The following PLEKHM2 variants were observed in gnomAD, a reference collection of about 807,000 sequenced individuals.
PLEKHM2 encodes the protein pleckstrin homology domain-containing family M member 2.
PLEKHM2 carries 77 observed loss-of-function variants against 116.3 expected under a neutral mutation model. The ratio of observed to expected loss-of-function variants is 0.66; its 90% CI spans 0.55 to 0.80. The LOEUF (loss-of-function observed/expected upper bound fraction) is 0.80, where lower values mean the gene tolerates loss of function less well. PLEKHM2 is among the 30% of genes least tolerant of loss of function. The pLI is 0.00. For synonymous variants in PLEKHM2, 562 were observed against 571.0 expected, an observed-to-expected ratio of 0.98 and a Z score of 0.22; for missense variants, 1,183 against 1,354.9, an observed-to-expected ratio of 0.87 and a Z score of 1.99.
At chr1:15,682,627 ACAAAACAAAACAAAAC>A (rs1640669937), upstream of PLEKHM2, among the ~76,000 whole-genome samples, 3 of 99,822 alleles carry the variant, frequency 3.0e-5, no homozygotes, top group African/African-American at 4.7e-5. Context: ...TCAAAAACAA[ACAAAACAAAACAAAAC>A]AAAAAAAACA....
chr1:15,730,614 A>G lies in PLEKHM2; in HGVS notation c.2291A>G (p.His764Arg). 1 of 1,607,736 alleles carries G rather than the reference A, an allele frequency of 6.2e-7. No individual in the cohort carries two copies. The highest frequency in any genetic ancestry group is 1.1e-5 in the South Asian group (1 of 89,592). Reference protein sequence around the residue: ...TDESLGPTPCHCSPPEGTITK... With the variant: ...TDESLGPTPCRCSPPEGTITK... ...GAGTCCCTGGGCCCCACGCCCTGCC[A>G]CTGCTCACCCCCCGAGGGCACCATC... Residue 764 changes from histidine (H) to arginine (R), a missense_variant, in exon 15 of 20, where the codon CAC becomes CGC. Coordinates refer to ENST00000375799, the MANE Select transcript of PLEKHM2 (RefSeq NM_015164.4).
Position 15,732,442 on chromosome 1 carries a change from G to C in PLEKHM2, c.2718G>C (p.Gln906His). ...TCTTTACGTGCCATGAGGATTGCCA[G>C]ACCAGCTTCTTCCGCTCTTTGGGCA... ...DRLFTCHEDC[Q>H]TSFFRSLGTA... The change falls in exon 18 of 20, where the codon CAG becomes CAC. Residue 906 changes from glutamine (Q) to histidine (H), a missense_variant. This residue lies in a region of PLEKHM2 where 594 missense variants were observed against 720.1 expected (regional missense o/e 0.82). Transcript: ENST00000375799. 6.3e-7 allele frequency: 1 copy of C among 1,593,892 alleles called. No homozygotes were observed. Among genetic ancestry groups the C allele is most frequent in the Non-Finnish European group, 8.5e-7 (1 of 1,170,684 alleles).
chr1:15,733,878 T>C lies in PLEKHM2; in HGVS notation c.3004T>C (p.Trp1002Arg), dbSNP rs1327584233. Residue 1002 changes from tryptophan (W) to arginine (R), a missense_variant, in exon 20 of 20, where the codon TGG becomes CGG. Trp to Arg is a moderately radical substitution (Grantham distance 101). Around this residue, in one of 3 missense-constraint regions of PLEKHM2, gnomAD observed 594 missense variants for 720.1 expected, o/e 0.82. Transcript: ENST00000375799. Reference sequence around the variant, plus strand: ...TGCCTTGAGCCTCATCCACAGCGCCTGGCAGCGGAGCGACAGTCTCTGCCG... The same window carrying C: ...TGCCTTGAGCCTCATCCACAGCGCCCGGCAGCGGAGCGACAGTCTCTGCCG... ...EDALSLIHSA[W>R]QRSDSLCRGR... is the part of the protein sequence containing the mutation. 1 of 1,612,942 alleles carries C rather than the reference T, an allele frequency of 6.2e-7. No homozygotes were observed.
chr1:15,715,254 G>A (rs1466753521), intron 1 of PLEKHM2, among the ~76,000 whole-genome samples: 1 of 152,262 alleles, frequency 6.6e-6, no homozygotes, highest in Admixed American at 6.5e-5. Flanking sequence ...ACTGTGATAT[G>A]AAGGAGGATT....
rs986180418 is a variant in PLEKHM2 at position 15,733,948 on chromosome 1, G to A, written c.*14G>A. The A allele has an allele frequency of 3.1e-6, 5 of 1,607,394 alleles. No individual in the cohort carries two copies. The highest frequency in any genetic ancestry group is 4.2e-6 in the Non-Finnish European group (5 of 1,177,200). Reference sequence around the variant, plus strand: ...CCCTGGTGCTGAGGCAGAGCTGGTTGGCGTCCCTGGTGGGCAGGAAAGGAA... The same window carrying A: ...CCCTGGTGCTGAGGCAGAGCTGGTTAGCGTCCCTGGTGGGCAGGAAAGGAA... On this transcript the variant is annotated 3_prime_UTR_variant, in exon 20 of 20. Coordinates refer to ENST00000375799, the MANE Select transcript of PLEKHM2 (RefSeq NM_015164.4).
intron 1 of PLEKHM2, 72 bp downstream of exon 1, chr1:15,684,690 C>T: frequency 3.7e-6 from 2 of 542,218 alleles, no homozygotes; most frequent in Non-Finnish European, 4.6e-6. Flanking sequence ...CGGCGCTCTC[C>T]CGGGCCGGGG....
chr1:15,695,547 C>T (rs1571023809), intron 1 of PLEKHM2, among the ~76,000 whole-genome samples: 1 of 152,064 alleles, frequency 6.6e-6, no homozygotes, highest in Non-Finnish European at 1.5e-5. Flanking sequence ...GAGTTTCGCT[C>T]TTTCACCAGG....
chr1:15,723,317 T>G (rs2068018485), intron 7 of PLEKHM2: 1 of 152,060 alleles, frequency 6.6e-6, no homozygotes, highest in Admixed American at 6.6e-5. Context: ...CGCGGTTTTC[T>G]GTATCTTAGA....
At chr1:15,682,677 G>A (rs142891991), upstream of PLEKHM2, among the ~76,000 whole-genome samples, 1 of 151,542 alleles carries the variant, frequency 6.6e-6, no homozygotes, top group Non-Finnish European at 1.5e-5. Flanking sequence ...CACTATTTTG[G>A]GTCTCTCCTT....
chr1:15,731,878 C>T lies in PLEKHM2; in HGVS notation c.2466-11C>T. On this transcript the variant is annotated splice_polypyrimidine_tract_variant and intron_variant, in intron 16 of 19. Transcript: ENST00000375799. Reference sequence around the variant, plus strand: ...TCCTCGCTCCCGTTTCACCCTCCTCCTCTGGCCCAGGGGGGAGCAGTGCGG... The same window carrying T: ...TCCTCGCTCCCGTTTCACCCTCCTCTTCTGGCCCAGGGGGGAGCAGTGCGG... 3 of 1,608,334 alleles carry T rather than the reference C, an allele frequency of 1.9e-6. No homozygotes were observed. Among genetic ancestry groups the T allele is most frequent in the Non-Finnish European group, 1.7e-6 (2 of 1,177,654 alleles).
Position 15,684,417 on chromosome 1 carries a change from G to GCCGGGCC in PLEKHM2, c.-138_-132dup. The GCCGGGCC allele has an allele frequency of 3.5e-6, 1 of 281,962 alleles. No homozygotes were observed. Among genetic ancestry groups the GCCGGGCC allele is most frequent in the Non-Finnish European group, 5.3e-6 (1 of 189,888 alleles). The allele number at this position is 281,962 out of a possible 1,614,324, so 17.5% of individuals were successfully genotyped here. On this transcript the variant is annotated 5_prime_UTR_variant, in exon 1 of 20. Coordinates refer to ENST00000375799, the MANE Select transcript of PLEKHM2 (RefSeq NM_015164.4). Reference sequence around the variant, plus strand: ...GCGAGGCGAGGGCCGGGCGGCGGGCGCCGGGCCCCGCGGCCGGCACGACGG... The same window carrying GCCGGGCC: ...GCGAGGCGAGGGCCGGGCGGCGGGCGCCGGGCCCCGGGCCCCGCGGCCGGCACGACGG...
intron 1 of PLEKHM2, among the ~76,000 whole-genome samples, chr1:15,700,053 G>T (rs1487140521): frequency 1.3e-5 from 2 of 151,840 alleles, no homozygotes; most frequent in Non-Finnish European, 2.9e-5. Context: ...AGTTCCCTGG[G>T]GCTGGTGAAG....
chr1:15,729,186 G>A lies in PLEKHM2; in HGVS notation c.2071G>A (p.Ala691Thr). The change falls in exon 13 of 20, where the codon GCT (alanine) becomes ACT (threonine). Residue 691 changes from alanine (A) to threonine (T), a missense_variant. This residue lies in a region of PLEKHM2 where 594 missense variants were observed against 720.1 expected (regional missense o/e 0.82). Coordinates refer to ENST00000375799, the MANE Select transcript of PLEKHM2 (RefSeq NM_015164.4). The surrounding 1 kb of genome is among the most constrained non-coding windows in gnomAD (Gnocchi z 4.7). ...FLLDTADVAL[A>T]EFFLASLKSA... ...GCTGGACACGGCTGATGTGGCGCTGGCTGAGTGAGTGGCAACCCCGCCCCT... is the reference window on the plus strand; with the variant it reads ...GCTGGACACGGCTGATGTGGCGCTGACTGAGTGAGTGGCAACCCCGCCCCT... The A allele has an allele frequency of 6.2e-7, 1 of 1,608,884 alleles. No individual in the cohort carries two copies. Among genetic ancestry groups the A allele is most frequent in the East Asian group, 2.2e-5 (1 of 44,660 alleles).
chr1:15,729,803 T>C lies in PLEKHM2; in HGVS notation c.2082T>C (p.Phe694=). ...AACCTCACTCCCTATGCAGGTTCTT[T>C]TTGGCTTCTTTGAAGTCAGCCATGA... ...DTADVALAEF[F]LASLKSAMIK... The change falls in exon 14 of 20, where the codon TTT becomes TTC. Residue 694 remains phenylalanine (F), a synonymous_variant. Transcript: ENST00000375799. The surrounding 1 kb of genome is among the most constrained non-coding windows in gnomAD (Gnocchi z 4.7). 6.2e-7 allele frequency: 1 copy of C among 1,612,092 alleles called. No individual in the cohort carries two copies. Among genetic ancestry groups the C allele is most frequent in the Non-Finnish European group, 8.5e-7 (1 of 1,179,190 alleles).
chr1:15,693,971 C>A (rs938436251), intron 1 of PLEKHM2, among the ~76,000 whole-genome samples: 1 of 152,166 alleles, frequency 6.6e-6, no homozygotes, highest in African/African-American at 2.4e-5. Flanking sequence ...TGTGTTGCTG[C>A]TGGAGCTGGC....
At chr1:15,715,369 C>T (rs2148356196) in intron 1 of PLEKHM2, among the ~76,000 whole-genome samples, 1 of 152,046 alleles carries the variant, frequency 6.6e-6, no homozygotes, top group South Asian at 2.1e-4. Context: ...AGGCCGGGCA[C>T]AGTGGCTCAC....
At chr1:15,693,771 T>A (rs1640935016) in intron 1 of PLEKHM2, among the ~76,000 whole-genome samples, 1 of 152,156 alleles carries the variant, frequency 6.6e-6, no homozygotes, top group Admixed American at 6.5e-5. Flanking sequence ...CTGGAAACAT[T>A]GAGTAAGAGG....
intron 8 of PLEKHM2, 53 bp from the exon 9 acceptor site, chr1:15,726,961 C>A: frequency 7.9e-7 from 1 of 1,268,200 alleles, no homozygotes; most frequent in Non-Finnish European, 1.1e-6. Context: ...CCTGGTTTTC[C>A]TCAGCACTGG....
chr1:15,695,887 G>A (rs1397170377), intron 1 of PLEKHM2, among the ~76,000 whole-genome samples: 3 of 151,622 alleles, frequency 2.0e-5, no homozygotes, highest in Admixed American at 6.6e-5. Context: ...CTGCAGCCTC[G>A]ACCTCCCAGG....
Sources: allele counts gnomAD v4.1 joint callset (sites outside exome capture counted in the v4.1 genomes callset), GRCh38; gene constraint gnomAD v4.1.1; regional missense constraint gnomAD v4.1.1; non-coding constraint Gnocchi (gnomAD v3.1); transcripts MANE v1.5; gene names NCBI Gene and HGNC (gene_info 2026-07-23, HGNC 2026-07-21).